ESR1: variants seen among roughly 807,000 people sequenced by gnomAD.
The protein encoded by ESR1 is estrogen receptor.
ESR1 carries 12 observed loss-of-function variants against 52.7 expected under a neutral mutation model. The ratio of observed to expected loss-of-function variants is 0.23; its 90% CI spans 0.15 to 0.37. ESR1 has a LOEUF of 0.37. Ranked by LOEUF, ESR1 falls within the 10% of genes least tolerant of loss-of-function variation. The pLI, the probability that ESR1 is intolerant of heterozygous loss-of-function variation, is 1.00. For synonymous variants in ESR1, 305 were observed against 316.8 expected (o/e 0.96, Z 0.39); for missense variants, 584 against 779.7 (o/e 0.75, Z 2.99).
intron 6 of ESR1, among the ~76,000 whole-genome samples, chr6:152,068,088 T>C (rs986099924): frequency 1.3e-5 from 2 of 152,244 alleles, no homozygotes; most frequent in African/African-American, 2.4e-5. Context: ...GTTTGCAACA[T>C]GCCTGGGGCA....
exon 7 of ESR1, chr6:152,127,172 A>G (rs2053752933): frequency 6.6e-6 from 1 of 151,924 alleles, no homozygotes; most frequent in Non-Finnish European, 1.5e-5. Flanking sequence ...CAGCTCTAAA[A>G]CCATTGTTTA....
intron 2 of ESR1, among the ~76,000 whole-genome samples, chr6:151,754,508 C>T (rs1467806429): frequency 6.6e-6 from 1 of 152,182 alleles, no homozygotes; most frequent in Non-Finnish European, 1.5e-5. Context: ...ATTACAGCAG[C>T]AGTCAGCCTT....
intron 1 of ESR1, among the ~76,000 whole-genome samples, chr6:151,696,471 C>CAAATAAATAAAT (rs59140265): frequency 5.9e-5 from 8 of 136,404 alleles, no homozygotes; most frequent in South Asian, 5.0e-4. Flanking sequence ...GACTCCATCT[C>CAAATAAATAAAT]AAATAAATAA....
Position 151,851,249 on chromosome 6 carries a change from G to A in ESR1, c.643+8462G>A, listed in dbSNP as rs370174344. On this transcript the variant is annotated intron_variant, in intron 2 of 7. Transcript: ENST00000206249. Reference sequence around the variant, plus strand: ...CCAGATTTACCTGTAAAAATTCTTCGAACCCTAATCAAAAGTGACTGTTGT... The same window carrying A: ...CCAGATTTACCTGTAAAAATTCTTCAAACCCTAATCAAAAGTGACTGTTGT... Among the ~76,000 whole-genome samples the A allele has an allele frequency of 3.7e-4, 56 of 152,064 alleles. 1 individual carries two copies. In the South Asian group the frequency reaches 9.5e-3, roughly 26 times the overall value.
At chr6:152,083,253 G>A (rs2049391335) in intron 6 of ESR1, among the ~76,000 whole-genome samples, 1 of 152,164 alleles carries the variant, frequency 6.6e-6, no homozygotes, top group East Asian at 1.9e-4. Context: ...CATGGTACTG[G>A]TACCAAAATA....
chr6:151,779,899 C>CAAAAAAAA (rs1192077755), intron 2 of ESR1, among the ~76,000 whole-genome samples: 1 of 44,734 alleles, frequency 2.2e-5, no homozygotes, highest in Non-Finnish European at 4.7e-5. Flanking sequence ...GACTCCGTCT[C>CAAAAAAAA]AAAAAAAAAA....
At chr6:151,696,085 T>C (rs1262860098) in intron 1 of ESR1, among the ~76,000 whole-genome samples, 1 of 152,238 alleles carries the variant, frequency 6.6e-6, no homozygotes, top group African/African-American at 2.4e-5. Context: ...AAATTCTTTT[T>C]CTAATTTTAT....
intron 4 of ESR1, among the ~76,000 whole-genome samples, chr6:151,996,428 T>A (rs1335258285): frequency 6.6e-6 from 1 of 152,116 alleles, no homozygotes; most frequent in Non-Finnish European, 1.5e-5. Context: ...ATGAGGCTCC[T>A]CTTGAGTCCT....
Position 151,842,981 on chromosome 6 carries a change from C to T in ESR1, c.643+194C>T, listed in dbSNP as rs1446086106. Among the ~76,000 whole-genome samples, 3 of 152,128 alleles carry T rather than the reference C, an allele frequency of 2.0e-5. No homozygotes were observed. In the East Asian group the frequency reaches 5.8e-4, roughly 29 times the overall value. On this transcript the variant is annotated intron_variant, in intron 2 of 7. Coordinates refer to ENST00000206249, the MANE Select transcript of ESR1 (RefSeq NM_000125.4). ...GAGAAGGAGTTGACACATGGCAGGG[C>T]AGCTGAGGCTGAGTAATTCCGCTTC...
chr6:151,928,013 C>T (rs1258927921), intron 3 of ESR1, among the ~76,000 whole-genome samples: 2 of 152,108 alleles, frequency 1.3e-5, no homozygotes, highest in African/African-American at 2.4e-5. Flanking sequence ...CGTGAGCCAC[C>T]GTGCCCGGCT....
intron 3 of ESR1, among the ~76,000 whole-genome samples, chr6:151,897,985 C>T (rs1017965041): frequency 6.6e-6 from 1 of 152,136 alleles, no homozygotes; most frequent in African/African-American, 2.4e-5. Flanking sequence ...AAATTCTTGG[C>T]TGCTAATTGT....
intron 5 of ESR1, among the ~76,000 whole-genome samples, chr6:152,047,956 ATTTTT>A (rs71017517): frequency 1.5e-5 from 1 of 67,780 alleles, no homozygotes; most frequent in Non-Finnish European, 2.8e-5. Context: ...CTCCTCAAGC[ATTTTT>A]TTTTTTTTTT....
intron 2 of ESR1, among the ~76,000 whole-genome samples, chr6:151,865,839 T>G (rs1789796144): frequency 6.6e-6 from 1 of 152,158 alleles, no homozygotes; most frequent in Admixed American, 6.6e-5. Flanking sequence ...GATGCTAGAT[T>G]TTTCCGGGCT....
chr6:151,852,409 C>T (rs1360334512), intron 2 of ESR1, among the ~76,000 whole-genome samples: 1 of 151,986 alleles, frequency 6.6e-6, no homozygotes, highest in Non-Finnish European at 1.5e-5. Context: ...ATAAGCATTC[C>T]CTGAATCTTA....
intron 3 of ESR1, among the ~76,000 whole-genome samples, chr6:151,922,057 A>G (rs1284405965): frequency 3.9e-5 from 6 of 152,064 alleles, no homozygotes; most frequent in African/African-American, 1.2e-4. Flanking sequence ...AGGGGACTTC[A>G]AACTATGCTA....
At chr6:151,670,185 C>G (rs1170685923) in intron 1 of ESR1, among the ~76,000 whole-genome samples, 1 of 152,176 alleles carries the variant, frequency 6.6e-6, no homozygotes, top group Non-Finnish European at 1.5e-5. Flanking sequence ...GGGCCTTCCT[C>G]TAGCTAGCCT....
At chr6:151,683,286 T>G (rs1196203079) in intron 1 of ESR1, among the ~76,000 whole-genome samples, 9 of 152,168 alleles carry the variant, frequency 5.9e-5, no homozygotes, top group Non-Finnish European at 1.2e-4. Flanking sequence ...GTGGGTGTAC[T>G]TGGGGACTGA....
chr6:151,986,890 T>A (rs1021309453), intron 4 of ESR1, among the ~76,000 whole-genome samples: 1 of 151,832 alleles, frequency 6.6e-6, no homozygotes, highest in South Asian at 2.1e-4. Context: ...GCTCACGGAG[T>A]ATGTGTGTGA....
chr6:151,704,419 AG>A (rs1344706618), intron 2 of ESR1, among the ~76,000 whole-genome samples: 1 of 151,986 alleles, frequency 6.6e-6, no homozygotes, highest in Non-Finnish European at 1.5e-5. Flanking sequence ...TTGTATTTTT[AG>A]TAGAGATAGA....
Sources: allele counts gnomAD v4.1 joint callset (sites outside exome capture counted in the v4.1 genomes callset), GRCh38; gene constraint gnomAD v4.1.1; transcripts MANE v1.5; gene names NCBI Gene and HGNC (gene_info 2026-07-23, HGNC 2026-07-21).